The following CYFIP2 variants were observed in gnomAD, a reference collection of about 807,000 sequenced individuals.
CYFIP2 encodes cytoplasmic FMR1 interacting protein 2.
In CYFIP2, 29 loss-of-function variants were observed where a neutral mutation model predicts 158.7. The ratio of observed to expected loss-of-function variants is 0.18; its 90% CI spans 0.14 to 0.25. The LOEUF (loss-of-function observed/expected upper bound fraction) is 0.25. CYFIP2 is among the 10% of genes least tolerant of loss of function. The pLI is 1.00. For missense variants in CYFIP2, 852 were observed against 1,639.5 expected, an observed-to-expected ratio of 0.52 and a Z score of 8.29; for synonymous variants, 585 against 617.6, an observed-to-expected ratio of 0.95 and a Z score of 0.78.
At chr5:157,306,541 G>A (rs913141732) in intron 8 of CYFIP2, among the ~76,000 whole-genome samples, 5 of 152,222 alleles carry the variant, frequency 3.3e-5, no homozygotes, top group East Asian at 1.9e-4. Context: ...AGATGCCACC[G>A]TGGAGCACTG....
At chr5:157,359,218 C>CT (rs1393917245) in intron 24 of CYFIP2, 70 bp downstream of exon 24, 1 of 1,584,316 alleles carries the variant, frequency 6.3e-7, no homozygotes. Context: ...TTTGCTTTTA[C>CT]TTTTTACCTG....
At chr5:157,278,072 A>T (rs1167624098) in intron 1 of CYFIP2, among the ~76,000 whole-genome samples, 1 of 152,164 alleles carries the variant, frequency 6.6e-6, no homozygotes, top group African/African-American at 2.4e-5. Flanking sequence ...CTGTTGACTG[A>T]AGCATCATTA....
Position 157,316,251 on chromosome 5 carries a change from A to C in CYFIP2, c.1356+1157A>C, listed in dbSNP as rs567026770. Among the ~76,000 whole-genome samples, 29 of 152,338 alleles carry C rather than the reference A, an allele frequency of 1.9e-4. No individual in the cohort carries two copies. The South Asian group carries it at 4.6e-3, about 24-fold the overall frequency. On this transcript the variant is annotated intron_variant, in intron 13 of 30. Transcript: ENST00000620254. ...TATATCTAGAAATAAATATGCATATACACATAAATGTGGATATTTTTAAAT... is the reference window on the plus strand; with the variant it reads ...TATATCTAGAAATAAATATGCATATCCACATAAATGTGGATATTTTTAAAT...
At chr5:157,374,698 G>A (rs1765300080) in intron 26 of CYFIP2, among the ~76,000 whole-genome samples, 2 of 152,190 alleles carry the variant, frequency 1.3e-5, no homozygotes. Context: ...CAAAGCCCAG[G>A]ACACTAACTG....
At chr5:157,283,447 T>C (rs78932350) in intron 1 of CYFIP2, among the ~76,000 whole-genome samples, 344 of 152,192 alleles carry the variant, frequency 2.3e-3, no homozygotes, top group African/African-American at 8.0e-3. Context: ...TTTTTTTTTC[T>C]TTTCTTTCAA....
chr5:157,359,774 C>T (rs1241175862), intron 24 of CYFIP2, among the ~76,000 whole-genome samples: 1 of 152,134 alleles, frequency 6.6e-6, no homozygotes, highest in Non-Finnish European at 1.5e-5. Flanking sequence ...AATATATAAC[C>T]AGGTCAGGAA....
chr5:157,312,885 ATTTC>A (rs1026890544), intron 11 of CYFIP2, among the ~76,000 whole-genome samples: 3 of 152,112 alleles, frequency 2.0e-5, no homozygotes, highest in African/African-American at 7.2e-5. Flanking sequence ...TTAATATTTT[ATTTC>A]TTTTTTAAAA....
chr5:157,360,467 G>C, intron 25 of CYFIP2, 95 bp downstream of exon 25: 6 of 983,952 alleles, frequency 6.1e-6, no homozygotes, highest in Non-Finnish European at 9.1e-6. Flanking sequence ...ACATGCCAGT[G>C]AGCTGGCAGA....
At chr5:157,285,595 G>A in intron 2 of CYFIP2, 117 bp downstream of exon 2, 1 of 854,896 alleles carries the variant, frequency 1.2e-6, no homozygotes, top group East Asian at 2.7e-5. Context: ...AAGGTTGTGA[G>A]CTGATGGAGT....
intron 23 of CYFIP2, among the ~76,000 whole-genome samples, chr5:157,358,338 G>A (rs760065241): frequency 1.3e-5 from 2 of 152,228 alleles, no homozygotes; most frequent in African/African-American, 4.8e-5. Flanking sequence ...AGCCAGAGCA[G>A]CTCCATTTTG....
At chr5:157,295,007 A>G in intron 4 of CYFIP2, 147 bp downstream of exon 4, 1 of 578,380 alleles carries the variant, frequency 1.7e-6, no homozygotes, top group Non-Finnish European at 3.0e-6. Flanking sequence ...CCTGGAAGAC[A>G]TTCAGAGAGC....
At chr5:157,297,295 G>A (rs1237366743) in intron 5 of CYFIP2, among the ~76,000 whole-genome samples, 1 of 152,234 alleles carries the variant, frequency 6.6e-6, no homozygotes, top group South Asian at 2.1e-4. Context: ...ATGGGAAGGT[G>A]GGGTGTGGAT....
At chr5:157,268,575 C>T (rs75008421) in intron 1 of CYFIP2, among the ~76,000 whole-genome samples, 5 of 152,306 alleles carry the variant, frequency 3.3e-5, no homozygotes, top group East Asian at 3.9e-4. Context: ...CCAGTCCCTA[C>T]GTTTAAAGAT....
intron 18 of CYFIP2, among the ~76,000 whole-genome samples, chr5:157,326,835 A>T (rs1214093894): frequency 6.6e-6 from 1 of 152,212 alleles, no homozygotes; most frequent in African/African-American, 2.4e-5. Flanking sequence ...CCTGGGTCTG[A>T]GGAAAGCACT....
chr5:157,395,290 G>T lies in CYFIP2; in HGVS notation c.*2290G>T, dbSNP rs893012227. ...GCCCCAGCCTCTTTTTATTTTTTTT[G>T]TGTGTGTCTAATAACCAGGAAAAAA... On this transcript the variant is annotated 3_prime_UTR_variant, in exon 31 of 31. Coordinates refer to ENST00000620254, the MANE Select transcript of CYFIP2 (RefSeq NM_001037333.3). 1.5e-4 allele frequency: 41 copies of T among 266,872 alleles called. No homozygotes were observed. Among genetic ancestry groups the T allele is most frequent in the African/African-American group, 8.0e-4 (34 of 42,542 alleles). The allele number at this position is 266,872 out of a possible 1,614,324, so 16.5% of individuals were successfully genotyped here. A position where few individuals can be genotyped will look rare whatever the true frequency, so the allele number is the denominator to read the frequency against.
At chr5:157,309,340 A>T (rs1239945777) in intron 9 of CYFIP2, among the ~76,000 whole-genome samples, 1 of 152,358 alleles carries the variant, frequency 6.6e-6, no homozygotes, top group African/African-American at 2.4e-5. Flanking sequence ...TTTCTCAGGA[A>T]GACCAACAGC....
rs975809038 is a variant in CYFIP2 at position 157,395,044 on chromosome 5, C to T, written c.*2044C>T. On this transcript the variant is annotated 3_prime_UTR_variant, in exon 31 of 31. Transcript: ENST00000620254. ...ACGACTTCATGGAGATTTGAATAAT[C>T]TATTTGATGAGATTTCTATTTCAAT... 7.1e-5 allele frequency: 11 copies of T among 155,030 alleles called. No homozygotes were observed. Among genetic ancestry groups the T allele is most frequent in the African/African-American group, 2.7e-4 (11 of 41,484 alleles). 9.6% of individuals were successfully genotyped at this position (155,030 alleles called of 1,614,324 possible). A position where few individuals can be genotyped will look rare whatever the true frequency, so the allele number is the denominator to read the frequency against.
At chr5:157,295,685 A>G (rs551170238) in intron 4 of CYFIP2, among the ~76,000 whole-genome samples, 12 of 152,318 alleles carry the variant, frequency 7.9e-5, no homozygotes, top group African/African-American at 2.9e-4. Flanking sequence ...ATTCCTTCTA[A>G]CAGCTCACAG....
chr5:157,332,361 A>G (rs1267380772), intron 20 of CYFIP2, among the ~76,000 whole-genome samples: 1 of 152,212 alleles, frequency 6.6e-6, no homozygotes, highest in Non-Finnish European at 1.5e-5. Context: ...GCACTTATAC[A>G]GTGCGTATGT....
Sources: gnomAD v4.1 joint callset for allele counts (sites outside exome capture counted in the v4.1 genomes callset) on GRCh38, gnomAD v4.1.1 for gene constraint, MANE v1.5 for transcripts, NCBI Gene and HGNC (gene_info 2026-07-23, HGNC 2026-07-21) for gene names.